Variants in NNMT observed in about 807,000 individuals in gnomAD.
The protein encoded by NNMT is nicotinamide N-methyltransferase.
NNMT carries 10 observed loss-of-function variants against 11.7 expected under a neutral mutation model. The observed-to-expected ratio is 0.85, with a 90% confidence interval of 0.53 to 1.45. NNMT has a LOEUF of 1.45. Among genes scored for constraint, NNMT ranks in the 40% most tolerant of loss-of-function variants. The pLI is 0.00. For missense variants in NNMT, 381 were observed against 319.4 expected (o/e 1.19, Z -1.47); for synonymous variants, 143 against 133.8 (o/e 1.07, Z -0.48).
intron 2 of NNMT, among the ~76,000 whole-genome samples, chr11:114,287,351 C>T (rs548744055): frequency 6.6e-6 from 1 of 152,276 alleles, no homozygotes; most frequent in East Asian, 1.9e-4. Context: ...TTCTACATTA[C>T]CTTCTAAATC....
At chr11:114,293,233 G>A (rs1349953205), upstream of NNMT, among the ~76,000 whole-genome samples, 2 of 152,134 alleles carry the variant, frequency 1.3e-5, no homozygotes, top group Non-Finnish European at 2.9e-5. Flanking sequence ...CATCTCCTAG[G>A]TCTGTGAATT....
intron 2 of NNMT, among the ~76,000 whole-genome samples, chr11:114,304,827 CTG>C (rs1458870217): frequency 6.6e-6 from 1 of 152,102 alleles, no homozygotes; most frequent in Non-Finnish European, 1.5e-5. Flanking sequence ...GAGTGACACT[CTG>C]TCTCAAAAAT....
intron 2 of NNMT, among the ~76,000 whole-genome samples, chr11:114,302,165 C>T (rs1313328772): frequency 6.6e-6 from 1 of 152,158 alleles, no homozygotes; most frequent in African/African-American, 2.4e-5. Context: ...ACTAATATTA[C>T]AGGGTTGAAT....
intron 2 of NNMT, among the ~76,000 whole-genome samples, chr11:114,283,979 C>T (rs1187944979): frequency 1.3e-5 from 2 of 152,080 alleles, no homozygotes; most frequent in Admixed American, 6.5e-5. Context: ...GGTATCGTAC[C>T]GTTACAGTAA....
At chr11:114,270,423 A>C (rs1459712439) in intron 2 of NNMT, 1 of 152,220 alleles carries the variant, frequency 6.6e-6, no homozygotes, top group Non-Finnish European at 1.5e-5. Flanking sequence ...GAGCAGAAGC[A>C]ATGCTTTGAT....
At chr11:114,261,177 A>G (rs1045093223) in intron 1 of NNMT, among the ~76,000 whole-genome samples, 4 of 152,166 alleles carry the variant, frequency 2.6e-5, no homozygotes, top group African/African-American at 9.7e-5. Context: ...TGGAGTAGTG[A>G]GGCTGCTGCC....
At chr11:114,262,450 G>A (rs11821868) in intron 1 of NNMT, among the ~76,000 whole-genome samples, 389 of 152,170 alleles carry the variant, frequency 2.6e-3, no homozygotes, top group African/African-American at 9.0e-3. Context: ...GTGAGAACAT[G>A]CGGTGTTTGG....
intron 2 of NNMT, among the ~76,000 whole-genome samples, chr11:114,310,503 A>G (rs1178430630): frequency 2.0e-5 from 3 of 152,186 alleles, no homozygotes; most frequent in African/African-American, 4.8e-5. Flanking sequence ...ACTAGTGTCC[A>G]CTCTCTCGAA....
chr11:114,262,352 C>T (rs1002383194), intron 1 of NNMT, among the ~76,000 whole-genome samples: 5 of 152,144 alleles, frequency 3.3e-5, no homozygotes, highest in Non-Finnish European at 5.9e-5. Context: ...CATGCTCTCC[C>T]TTTCACCCCC....
chr11:114,305,293 G>A (rs1945479614), intron 2 of NNMT, among the ~76,000 whole-genome samples: 3 of 152,028 alleles, frequency 2.0e-5, no homozygotes, highest in Non-Finnish European at 4.4e-5. Context: ...TTGACAGCAG[G>A]TGGGGCATGG....
At chr11:114,305,235 T>C (rs1945478297) in intron 2 of NNMT, among the ~76,000 whole-genome samples, 2 of 152,234 alleles carry the variant, frequency 1.3e-5, no homozygotes, top group South Asian at 4.1e-4. Context: ...CACAGGTGGG[T>C]GGGAATCAGT....
chr11:114,301,246 A>G (rs1326505184), intron 2 of NNMT, among the ~76,000 whole-genome samples: 2 of 152,224 alleles, frequency 1.3e-5, no homozygotes, highest in African/African-American at 4.8e-5. Context: ...TGTAACCCAG[A>G]AAGCTGCATG....
At chr11:114,279,504 A>C (rs1015540060) in intron 2 of NNMT, among the ~76,000 whole-genome samples, 23 of 152,212 alleles carry the variant, frequency 1.5e-4, no homozygotes, top group African/African-American at 5.5e-4. Context: ...CTGGGGTCAG[A>C]TCAGGAGTTG....
chr11:114,274,077 G>T (rs1266812049), intron 2 of NNMT, among the ~76,000 whole-genome samples: 1 of 152,150 alleles, frequency 6.6e-6, no homozygotes, highest in Admixed American at 6.5e-5. Flanking sequence ...CCTGCTCAGT[G>T]CTGGGGACTG....
chr11:114,285,429 C>T (rs1945291193), intron 2 of NNMT, among the ~76,000 whole-genome samples: 1 of 152,164 alleles, frequency 6.6e-6, no homozygotes, highest in South Asian at 2.1e-4. Context: ...AAGAGAGAAG[C>T]TGACAGGTTG....
chr11:114,297,178 T>C (rs2135271058), intron 1 of NNMT, among the ~76,000 whole-genome samples: 1 of 152,348 alleles, frequency 6.6e-6, no homozygotes, highest in Middle Eastern at 3.4e-3. Context: ...TGCTTAATAG[T>C]TTTTACATTC....
chr11:114,296,515 G>A lies in NNMT; in HGVS notation c.-42G>A, dbSNP rs770749504. The A allele has an allele frequency of 2.5e-6, 4 of 1,601,028 alleles. No homozygotes were observed. Among genetic ancestry groups the A allele is most frequent in the African/African-American group, 1.3e-5 (1 of 74,540 alleles). ...GTCACTCCCTGGCTTCTGGAGGAAA[G>A]AGAAGGAGGGCAGTGCTCCAGTGGT... On this transcript the variant is annotated 5_prime_UTR_variant, in exon 1 of 3. Coordinates refer to ENST00000299964, the MANE Select transcript of NNMT (RefSeq NM_006169.3).
chr11:114,272,251 C>A (rs896036762), intron 2 of NNMT, among the ~76,000 whole-genome samples: 1 of 152,134 alleles, frequency 6.6e-6, no homozygotes, highest in Non-Finnish European at 1.5e-5. Context: ...TACTTCAAAT[C>A]CAGCCGGAAT....
At chr11:114,306,596 T>G (rs1945494229) in intron 2 of NNMT, among the ~76,000 whole-genome samples, 1 of 152,222 alleles carries the variant, frequency 6.6e-6, no homozygotes, top group African/African-American at 2.4e-5. Flanking sequence ...CACCATTTAT[T>G]AAATAGGGAA....
Sources: gnomAD v4.1 joint callset for allele counts (sites outside exome capture counted in the v4.1 genomes callset) on GRCh38, gnomAD v4.1.1 for gene constraint, MANE v1.5 for transcripts, NCBI Gene and HGNC (gene_info 2026-07-23, HGNC 2026-07-21) for gene names.